The following TTC28 variants were observed in gnomAD, a reference collection of about 807,000 sequenced individuals.
The protein encoded by TTC28 is tetratricopeptide repeat domain 28.
TTC28 carries 61 observed loss-of-function variants against 198.0 expected under a neutral mutation model. The ratio of observed to expected loss-of-function variants is 0.31; its 90% CI spans 0.25 to 0.38. TTC28 has a LOEUF of 0.38. TTC28 is among the 10% of genes least tolerant of loss of function. TTC28 has a pLI of 1.00. For synonymous variants in TTC28, 1,171 were observed against 1,297.8 expected, an observed-to-expected ratio of 0.90 and a Z score of 2.10; for missense variants, 2,678 against 3,164.0, an observed-to-expected ratio of 0.85 and a Z score of 3.69.
chr22:28,130,593 T>C (rs1943039018), intron 6 of TTC28, among the ~76,000 whole-genome samples: 1 of 152,216 alleles, frequency 6.6e-6, no homozygotes, highest in Non-Finnish European at 1.5e-5. Flanking sequence ...CACTTCTGGG[T>C]GAATGCAGAT....
At chr22:28,631,824 C>T (rs1314971208) in intron 1 of TTC28, among the ~76,000 whole-genome samples, 2 of 152,106 alleles carry the variant, frequency 1.3e-5, no homozygotes, top group Non-Finnish European at 2.9e-5. Flanking sequence ...CAGCACCCAG[C>T]CTGTTACTCA....
At chr22:28,080,978 C>T (rs912667682) in intron 12 of TTC28, among the ~76,000 whole-genome samples, 3 of 151,888 alleles carry the variant, frequency 2.0e-5, no homozygotes, top group Non-Finnish European at 2.9e-5. Context: ...GTACCCTTGT[C>T]GAAGATCATT....
At chr22:28,183,820 T>TA (rs1189969458) in intron 5 of TTC28, among the ~76,000 whole-genome samples, 1 of 152,152 alleles carries the variant, frequency 6.6e-6, no homozygotes, top group Non-Finnish European at 1.5e-5. Flanking sequence ...AAATAATAAT[T>TA]AAAAAAATTA....
At chr22:28,520,387 T>A (rs2048880955) in intron 2 of TTC28, among the ~76,000 whole-genome samples, 2 of 152,196 alleles carry the variant, frequency 1.3e-5, no homozygotes, top group Admixed American at 6.5e-5. Flanking sequence ...CAACTGCATA[T>A]GTATGAATAA....
rs1348673911 is a variant in TTC28 at position 27,983,138 on chromosome 22, C to T, written c.6529G>A (p.Val2177Met). ...CCGCCGCTCCTCTGAAGACGCTCCA[C>T]CGCAATGAGATGACTCTGTGTCTCC... ...LEETQSHLIA[V>M]ERLQRSGGQV... The change falls in exon 23 of 23, where the codon GTG becomes ATG. Residue 2177 changes from valine (V) to methionine (M), a missense_variant. By Grantham distance (21) the Val-to-Met change is conservative. This residue lies in a region of TTC28 where 622 missense variants were observed against 656.0 expected (regional missense o/e 0.95). Coordinates refer to ENST00000397906, the MANE Select transcript of TTC28 (RefSeq NM_001145418.2). 1.3e-6 allele frequency: 2 copies of T among 1,551,808 alleles called. No homozygotes were observed. The highest frequency in any genetic ancestry group is 1.7e-6 in the Non-Finnish European group (2 of 1,147,032).
intron 5 of TTC28, among the ~76,000 whole-genome samples, chr22:28,168,303 C>G (rs1329102718): frequency 6.6e-6 from 1 of 152,152 alleles, no homozygotes; most frequent in East Asian, 1.9e-4. Flanking sequence ...ACTTTCTTCA[C>G]AGAATTGGAA....
At chr22:28,502,262 C>A (rs2048547160) in intron 2 of TTC28, among the ~76,000 whole-genome samples, 2 of 152,116 alleles carry the variant, frequency 1.3e-5, no homozygotes, top group Non-Finnish European at 2.9e-5. Flanking sequence ...GGAAAATGTT[C>A]ATGAACTGAT....
intron 2 of TTC28, among the ~76,000 whole-genome samples, chr22:28,347,388 T>C (rs2045921557): frequency 6.6e-6 from 1 of 152,200 alleles, no homozygotes; most frequent in Non-Finnish European, 1.5e-5. Context: ...GTGCACTCTA[T>C]TAAATTTCAT....
chr22:28,161,656 G>T (rs1172734918), intron 6 of TTC28, among the ~76,000 whole-genome samples: 1 of 149,036 alleles, frequency 6.7e-6, no homozygotes, highest in Non-Finnish European at 1.5e-5. Context: ...CCTGTCTCAA[G>T]AAAGAAAGAA....
At chr22:28,004,959 G>A (rs1937876926) in intron 14 of TTC28, among the ~76,000 whole-genome samples, 1 of 152,208 alleles carries the variant, frequency 6.6e-6, no homozygotes, top group Non-Finnish European at 1.5e-5. Flanking sequence ...GCCTCTTAAG[G>A]CTTAGGGTTG....
intron 19 of TTC28, 40 bp downstream of exon 19, chr22:27,992,547 G>C (rs1392758121): frequency 1.3e-6 from 2 of 1,543,872 alleles, no homozygotes; most frequent in Admixed American, 2.0e-5. Flanking sequence ...AAATCAGCAT[G>C]GGCCTCAGGC....
At chr22:28,490,398 C>T (rs116274472) in intron 2 of TTC28, among the ~76,000 whole-genome samples, 168 of 152,268 alleles carry the variant, frequency 1.1e-3, no homozygotes, top group African/African-American at 3.8e-3. Context: ...TTTGTATCAC[C>T]TGGAACAACC....
chr22:28,126,375 T>A (rs566794536), intron 6 of TTC28, among the ~76,000 whole-genome samples: 1 of 152,272 alleles, frequency 6.6e-6, no homozygotes, highest in South Asian at 2.1e-4. Flanking sequence ...TTTCACAATC[T>A]CACGGTATTT....
At chr22:28,227,793 T>TA (rs1928468141) in intron 5 of TTC28, among the ~76,000 whole-genome samples, 1 of 151,974 alleles carries the variant, frequency 6.6e-6, no homozygotes, top group Non-Finnish European at 1.5e-5. Flanking sequence ...ACAACCATTG[T>TA]AAAAAACAGT....
intron 2 of TTC28, among the ~76,000 whole-genome samples, chr22:28,411,807 A>C (rs892206979): frequency 3.9e-5 from 6 of 152,348 alleles, no homozygotes; most frequent in East Asian, 3.9e-4. Context: ...AAGAGATATG[A>C]GAAACAACCA....
rs762204557 is a variant in TTC28 at position 27,983,475 on chromosome 22, G to A, written c.6192C>T (p.Asn2064=). The change falls in exon 23 of 23, where the codon AAC becomes AAT. Residue 2064 remains asparagine, a synonymous_variant. Transcript: ENST00000397906. ...EEYEGFSIIS[N]EPLATYQENR... is the part of the protein sequence containing the mutation. ...TTTCTTGGTAGGTCGCCAAGGGCTC[G>A]TTACTGATGATAGAAAACCCTTCAT... 1.1e-5 allele frequency: 17 copies of A among 1,546,010 alleles called. No homozygotes were observed. Among genetic ancestry groups the A allele is most frequent in the East Asian group, 7.3e-5 (3 of 40,888 alleles).
chr22:28,552,601 C>T (rs2049694789), intron 2 of TTC28, among the ~76,000 whole-genome samples: 1 of 152,180 alleles, frequency 6.6e-6, no homozygotes, highest in South Asian at 2.1e-4. Context: ...TGTTCTTTGG[C>T]AAAGTAAACA....
At chr22:28,660,774 T>C (rs927548352) in intron 1 of TTC28, among the ~76,000 whole-genome samples, 11 of 148,560 alleles carry the variant, frequency 7.4e-5, no homozygotes, top group African/African-American at 1.7e-4. Context: ...TCCACCCACG[T>C]TGGCTTCCCA....
At chr22:28,358,056 A>G (rs1254806488) in intron 2 of TTC28, among the ~76,000 whole-genome samples, 3 of 152,204 alleles carry the variant, frequency 2.0e-5, no homozygotes, top group African/African-American at 7.2e-5. Context: ...TTTCCAGATA[A>G]TGAAATTGTT....
Sources: gnomAD v4.1 joint callset for allele counts (sites outside exome capture counted in the v4.1 genomes callset) on GRCh38, gnomAD v4.1.1 for gene constraint, gnomAD v4.1.1 regional missense constraint, MANE v1.5 for transcripts, NCBI Gene and HGNC (gene_info 2026-07-23, HGNC 2026-07-21) for gene names.